The following TENM3 variants were observed in gnomAD, a reference collection of about 807,000 sequenced individuals.
TENM3 encodes teneurin transmembrane protein 3.
In TENM3, 63 loss-of-function variants were observed where a neutral mutation model predicts 255.1. That is an observed-to-expected ratio of 0.25 (90% CI 0.20 to 0.30). TENM3 has a LOEUF of 0.30. TENM3 is among the 10% of genes least tolerant of loss of function. The pLI is 1.00. For missense variants in TENM3, 2,929 were observed against 3,461.1 expected, an observed-to-expected ratio of 0.85 and a Z score of 3.86; for synonymous variants, 1,306 against 1,322.3, an observed-to-expected ratio of 0.99 and a Z score of 0.27.
the TENM3 span, among the ~76,000 whole-genome samples, chr4:181,683,872 C>T: frequency 6.6e-6 from 1 of 152,104 alleles, no homozygotes; most frequent in African/African-American, 2.4e-5. Context: ...GAGCAGCCTT[C>T]GAGCACACAG....
the TENM3 span, among the ~76,000 whole-genome samples, chr4:181,887,085 T>C: frequency 4.6e-5 from 7 of 152,212 alleles, no homozygotes; most frequent in Non-Finnish European, 1.5e-5. Flanking sequence ...TAAAAAGTTT[T>C]TCTTCCTGCT....
At chr4:182,131,653 A>C in the TENM3 span, among the ~76,000 whole-genome samples, 12 of 152,332 alleles carry the variant, frequency 7.9e-5, no homozygotes, top group African/African-American at 2.9e-4. Context: ...TATGAAAGGA[A>C]ACCATTCAAA....
At chr4:181,868,293 C>T in the TENM3 span, among the ~76,000 whole-genome samples, 5 of 152,204 alleles carry the variant, frequency 3.3e-5, no homozygotes, top group Admixed American at 1.3e-4. Context: ...CATGGCTAAC[C>T]AGGATCATGA....
chr4:182,067,756 C>T, the TENM3 span, among the ~76,000 whole-genome samples: 929 of 152,270 alleles, frequency 6.1e-3, 11 homozygotes, highest in African/African-American at 0.021. Flanking sequence ...AGGGATTAAC[C>T]ATTCTTGGTC....
the TENM3 span, among the ~76,000 whole-genome samples, chr4:181,983,478 A>T: frequency 6.6e-6 from 1 of 152,138 alleles, no homozygotes; most frequent in African/African-American, 2.4e-5. Context: ...TTCACAATCA[A>T]CATCTTCTGT....
the TENM3 span, among the ~76,000 whole-genome samples, chr4:181,707,643 T>G: frequency 1.3e-5 from 2 of 152,162 alleles, no homozygotes; most frequent in Non-Finnish European, 2.9e-5. Context: ...ACCAAAGGCA[T>G]CAGTGACTAA....
intron 3 of TENM3, among the ~76,000 whole-genome samples, chr4:182,362,868 C>T (rs529616857): frequency 3.2e-4 from 48 of 152,266 alleles, no homozygotes; most frequent in East Asian, 1.4e-3. Context: ...CATCTTGGCT[C>T]CTCCCTGAAA....
At chr4:182,161,571 AG>A (rs200951541) in intron 1 of TENM3, among the ~76,000 whole-genome samples, 2 of 16,030 alleles carry the variant, frequency 1.2e-4, no homozygotes, top group Non-Finnish European at 5.0e-4. Flanking sequence ...TGGGCAACAG[AG>A]TTGAGGCTCA....
At chr4:181,522,517 G>A in the TENM3 span, 1 of 303,418 alleles carries the variant, frequency 3.3e-6, no homozygotes, top group Non-Finnish European at 6.3e-6. Flanking sequence ...CTTTCATTAA[G>A]GTTAGAAATG....
chr4:182,241,885 A>T (rs1372333443), upstream of TENM3, among the ~76,000 whole-genome samples: 1 of 151,932 alleles, frequency 6.6e-6, no homozygotes, highest in African/African-American at 2.4e-5. Context: ...CTCCACTGAA[A>T]TGACTCTCCG....
intron 5 of TENM3, among the ~76,000 whole-genome samples, chr4:182,629,793 A>G (rs952726904): frequency 1.3e-5 from 2 of 152,164 alleles, no homozygotes; most frequent in Non-Finnish European, 2.9e-5. Flanking sequence ...TATGTAGAAT[A>G]CTATGATGTT....
the TENM3 span, among the ~76,000 whole-genome samples, chr4:181,855,326 T>C: frequency 1.3e-5 from 2 of 152,212 alleles, no homozygotes; most frequent in Non-Finnish European, 2.9e-5. Flanking sequence ...TGTTTTCTAA[T>C]GAAGATAAGG....
the TENM3 span, among the ~76,000 whole-genome samples, chr4:181,641,805 C>CATATAT: frequency 0.039 from 1,240 of 31,402 alleles, 119 homozygotes; most frequent in Middle Eastern, 0.071. Flanking sequence ...ACACACACAC[C>CATATAT]ATATATATAT....
chr4:181,978,284 G>A, the TENM3 span, among the ~76,000 whole-genome samples: 1 of 152,164 alleles, frequency 6.6e-6, no homozygotes, highest in Non-Finnish European at 1.5e-5. Flanking sequence ...TCTCACATCT[G>A]GTTACTGGCA....
At chr4:181,857,965 C>T in the TENM3 span, among the ~76,000 whole-genome samples, 1 of 152,216 alleles carries the variant, frequency 6.6e-6, no homozygotes, top group Non-Finnish European at 1.5e-5. Flanking sequence ...CTTCCCAAGC[C>T]AGGCCATCAC....
chr4:181,844,932 CAT>C, the TENM3 span, among the ~76,000 whole-genome samples: 1 of 152,182 alleles, frequency 6.6e-6, no homozygotes, highest in African/African-American at 2.4e-5. Flanking sequence ...GAACAAACTG[CAT>C]AGTGTTCCAT....
At chr4:181,764,251 AG>A in the TENM3 span, among the ~76,000 whole-genome samples, 3 of 46,622 alleles carry the variant, frequency 6.4e-5, no homozygotes, top group African/African-American at 1.5e-4. Context: ...GAGAAACAGG[AG>A]AAGAGAGAGA....
intron 1 of TENM3, among the ~76,000 whole-genome samples, chr4:182,296,010 G>A (rs1316229579): frequency 6.6e-6 from 1 of 152,116 alleles, no homozygotes; most frequent in Non-Finnish European, 1.5e-5. Context: ...GGAGTGCAAT[G>A]GTGTGATCTC....
chr4:182,137,497 G>A, the TENM3 span, among the ~76,000 whole-genome samples: 2 of 152,158 alleles, frequency 1.3e-5, no homozygotes, highest in African/African-American at 4.8e-5. Flanking sequence ...TCCAGGGTTG[G>A]ATTCATTGGT....
Sources: gnomAD v4.1 joint callset for allele counts (sites outside exome capture counted in the v4.1 genomes callset) on GRCh38, gnomAD v4.1.1 for gene constraint, MANE v1.5 for transcripts, NCBI Gene and HGNC (gene_info 2026-07-23, HGNC 2026-07-21) for gene names.